Variants in RAPGEFL1 observed in about 807,000 individuals in gnomAD.
RAPGEFL1 encodes the protein Rap guanine nucleotide exchange factor like 1.
In RAPGEFL1, 31 loss-of-function variants were observed where a neutral mutation model predicts 64.4. The ratio of observed to expected loss-of-function variants is 0.48; its 90% confidence interval spans 0.36 to 0.65. RAPGEFL1 has a LOEUF of 0.65. RAPGEFL1 is among the 30% of genes least tolerant of loss of function. The pLI is 0.00. For missense variants in RAPGEFL1, 682 were observed against 677.4 expected (o/e 1.01, Z -0.08); for synonymous variants, 331 against 274.1 (o/e 1.21, Z -2.05).
At position 40,193,509 on chromosome 17, in the gene RAPGEFL1, C is replaced by T. The variant is rs943884602; in HGVS notation, c.1864+92C>T. The T allele has an allele frequency of 2.5e-5, 39 of 1,561,508 alleles. 1 individual carries two copies. In the East Asian group the frequency reaches 3.8e-4, roughly 15 times the overall value. The stretch of plus-strand genomic sequence containing the variant: ...AACTCCCTGTCCAGATGTGTATTTC[C>T]ATACACTTGCTGGTTCCCCATTCTC... On this transcript the variant is annotated intron_variant, in intron 14 of 14. Transcript: ENST00000620260.
rs1449272180 is a variant in RAPGEFL1, at chr17:40,191,482, A to G, written c.1502A>G (p.Lys501Arg). Reference protein sequence around the residue: ...KRAQLLKKFIKIAALCKQNQD... With the variant: ...KRAQLLKKFIRIAALCKQNQD... ...GCGCAGCTGCTCAAGAAGTTCATCA[A>G]GATCGCGGCCCTGTGAGTGCGGCCG... The change falls in exon 9 of 15, where the codon AAG becomes AGG. Residue 501 changes from lysine to arginine, a missense_variant. Transcript: ENST00000620260. This position sits in a 1 kb window ranked among gnomAD's most constrained non-coding sequence, Gnocchi z 5.1. 7.5e-6 allele frequency: 12 copies of G among 1,605,760 alleles called. No individual in the cohort carries two copies. The highest frequency in any genetic ancestry group is 8.5e-6 in the Non-Finnish European group (10 of 1,177,926).
At chr17:40,190,824 G>A (rs572833215) in intron 8 of RAPGEFL1, 62 bp downstream of exon 8, 1 of 1,595,884 alleles carries the variant, frequency 6.3e-7, no homozygotes. Flanking sequence ...ATTGGGAGAC[G>A]GTGTTCGCAG....
rs1430021519 is a variant in RAPGEFL1 at position 40,195,204 on chromosome 17, G to GT, written c.*1417dup. ...GAGCCTTGTATCATATGTGAACATT[G>GT]TATCATAGGTAATGTTGTACAGACC... On this transcript the variant is annotated 3_prime_UTR_variant, in exon 15 of 15. Coordinates refer to ENST00000620260, the MANE Select transcript of RAPGEFL1 (RefSeq NM_016339.6). 1 of 152,188 alleles carries GT rather than the reference G, an allele frequency of 6.6e-6. No homozygotes were observed. Among genetic ancestry groups the GT allele is most frequent in the East Asian group, 1.9e-4 (1 of 5,178 alleles). The allele number at this position is 152,188 out of a possible 1,614,324, so 9.4% of individuals were successfully genotyped here. A position where few individuals can be genotyped will look rare whatever the true frequency, so the allele number is the denominator to read the frequency against.
chr17:40,184,822 T>A, intron 4 of RAPGEFL1, 144 bp downstream of exon 4: 1 of 603,800 alleles, frequency 1.7e-6, no homozygotes, highest in Non-Finnish European at 2.9e-6. Context: ...CTTTGTCGCC[T>A]AGGCTGGAGA....
chr17:40,193,774 G>T lies in RAPGEFL1; in HGVS notation c.1975G>T (p.Ala659Ser). 1 of 1,614,068 alleles carries T rather than the reference G, an allele frequency of 6.2e-7. No individual in the cohort carries two copies. The highest frequency in any genetic ancestry group is 8.5e-7 in the Non-Finnish European group (1 of 1,180,018). The change falls in exon 15 of 15, where the codon GCA (alanine) becomes TCA (serine). Residue 659 changes from alanine (A) to serine (S), a missense_variant. Physicochemically the swap from Ala to Ser is moderately conservative, Grantham distance 99. Around this residue, in one of 2 missense-constraint regions of RAPGEFL1, gnomAD observed 411 missense variants for 519.4 expected, o/e 0.79. Transcript: ENST00000620260. ...LLFELSYKLE[A>S]NSQ ...CTTCGAGCTCTCCTACAAGCTGGAG[G>T]CAAACAGTCAGTGAGAGTGGAGGCT...
chr17:40,181,382 C>G lies in RAPGEFL1; in HGVS notation c.521-234C>G, dbSNP rs1195306726. The G allele has an allele frequency of 6.3e-6, 4 of 636,224 alleles. No homozygotes were observed. In the African/African-American group the frequency reaches 7.2e-5, roughly 11 times the overall value. The allele number at this position is 636,224 out of a possible 1,614,324, so 39.4% of individuals were successfully genotyped here. On this transcript the variant is annotated intron_variant, in intron 1 of 14. Transcript: ENST00000620260. The stretch of plus-strand genomic sequence containing the variant: ...GCACATGGCCATCAAAGGCACGCGC[C>G]CCCCCCTTCCCTTCAGCTGCCTTGG...
rs758965386 is a variant in RAPGEFL1 at position 40,185,968 on chromosome 17, G to GA, written c.833+1301dup. ...GACAGAGCGAGACTCCGTCTCTAAA[G>GA]AAAAAAAAAAAGGCCGGGTGCGGTG... On this transcript the variant is annotated intron_variant, in intron 4 of 14. Transcript: ENST00000620260. 5.5e-3 allele frequency among the ~76,000 whole-genome samples: 683 copies of GA among 123,330 alleles called. 2 individuals carry two copies. Among genetic ancestry groups the GA allele is most frequent in the Non-Finnish European group, 8.4e-3 (484 of 57,386 alleles). The allele number at this position is 123,330 out of a possible 152,430, so 80.9% of individuals were successfully genotyped here. A position where few individuals can be genotyped will look rare whatever the true frequency, so the allele number is the denominator to read the frequency against.
chr17:40,190,818 G>A lies in RAPGEFL1; in HGVS notation c.1335+56G>A, dbSNP rs1374664203. The A allele has an allele frequency of 1.9e-6, 3 of 1,602,094 alleles. No homozygotes were observed. The East Asian group carries it at 6.7e-5, about 36-fold the overall frequency. ...GGCTGGAGGGAGAAATGTGCCATTG[G>A]GAGACGGTGTTCGCAGCACAACGTC... is the stretch of plus-strand genomic sequence containing the variant. On this transcript the variant is annotated intron_variant, in intron 8 of 14. Coordinates refer to ENST00000620260, the MANE Select transcript of RAPGEFL1 (RefSeq NM_016339.6).
intron 1 of RAPGEFL1, among the ~76,000 whole-genome samples, chr17:40,179,169 C>T (rs570241663): frequency 1.3e-5 from 2 of 152,092 alleles, no homozygotes; most frequent in African/African-American, 2.4e-5. Context: ...CAGGTTCAAG[C>T]GATTCTCCTG....
At chr17:40,193,539 T>G in intron 14 of RAPGEFL1, 122 bp downstream of exon 14, 2 of 1,576,814 alleles carry the variant, frequency 1.3e-6, no homozygotes, top group East Asian at 2.2e-5. Context: ...ATTCTCTCCT[T>G]GCCTCTGCAG....
chr17:40,184,890 A>G (rs1004535430), intron 4 of RAPGEFL1, among the ~76,000 whole-genome samples: 1 of 152,014 alleles, frequency 6.6e-6, no homozygotes, highest in African/African-American at 2.4e-5. Flanking sequence ...AGTGATTCTC[A>G]TGCCTCAGCC....
At chr17:40,183,710 G>A (rs1411159213) in intron 2 of RAPGEFL1, among the ~76,000 whole-genome samples, 1 of 148,566 alleles carries the variant, frequency 6.7e-6, no homozygotes, top group Non-Finnish European at 1.5e-5. Flanking sequence ...TAGTAGAGAT[G>A]AGGTTTCACC....
chr17:40,189,037 T>C, intron 5 of RAPGEFL1, 59 bp downstream of exon 5: 1 of 1,532,850 alleles, frequency 6.5e-7, no homozygotes, highest in Non-Finnish European at 9.0e-7. Context: ...GACATATCTC[T>C]GGGTCTTGAG....
chr17:40,177,292 T>C (rs1038691385), upstream of RAPGEFL1: 34 of 702,446 alleles, frequency 4.8e-5, 2 homozygotes, highest in Admixed American at 3.2e-4. Flanking sequence ...TTGGTAAATC[T>C]CTGACTTACC....
At position 40,191,752 on chromosome 17, in the gene RAPGEFL1, C is replaced by G. The variant is rs1025949237; in HGVS notation, c.1605+80C>G. The stretch of plus-strand genomic sequence containing the variant: ...AAGTGCGTCCTCCCGGGACGGCCGC[C>G]GGCCTGGAGGGAGTCTTTGCGCCAG... On this transcript the variant is annotated intron_variant, in intron 10 of 14. Coordinates refer to ENST00000620260, the MANE Select transcript of RAPGEFL1 (RefSeq NM_016339.6). The surrounding 1 kb of genome is among the most constrained non-coding windows in gnomAD (Gnocchi z 5.1). 146 of 1,411,286 alleles carry G rather than the reference C, an allele frequency of 1.0e-4. No individual in the cohort carries two copies. The highest frequency in any genetic ancestry group is 1.4e-4 in the Non-Finnish European group (139 of 1,019,596). 87.4% of individuals were successfully genotyped at this position (1,411,286 alleles called of 1,614,324 possible). A position where few individuals can be genotyped will look rare whatever the true frequency, so the allele number is the denominator to read the frequency against.
chr17:40,184,184 C>T lies in RAPGEFL1; in HGVS notation c.600-30C>T, dbSNP rs373446286. 9.1e-5 allele frequency: 135 copies of T among 1,489,070 alleles called. No individual in the cohort carries two copies. The Middle Eastern group carries it at 1.4e-3, about 15-fold the overall frequency. The allele number at this position is 1,489,070 out of a possible 1,614,324, so 92.2% of individuals were successfully genotyped here. On this transcript the variant is annotated intron_variant, in intron 2 of 14. Coordinates refer to ENST00000620260, the MANE Select transcript of RAPGEFL1 (RefSeq NM_016339.6). The stretch of plus-strand genomic sequence containing the variant: ...CTTCTCAATTCCTCAGGTCTGCTTG[C>T]GTAGGGATTTTTCTTAACTTAAGGG...
In RAPGEFL1 at chr17:40,177,750, G is replaced by GC. The variant is rs1989756273; in HGVS notation, c.-109dup. 1 of 409,922 alleles carries GC rather than the reference G, an allele frequency of 2.4e-6. No homozygotes were observed. Among genetic ancestry groups the GC allele is most frequent in the Non-Finnish European group, 4.3e-6 (1 of 235,086 alleles). The allele number at this position is 409,922 out of a possible 1,614,324, so 25.4% of individuals were successfully genotyped here. A position where few individuals can be genotyped will look rare whatever the true frequency, so the allele number is the denominator to read the frequency against. On this transcript the variant is annotated 5_prime_UTR_variant, in exon 1 of 15. Transcript: ENST00000620260. ...GGCCCCCAGTCTGGCGCCTGGCACG[G>GC]CCCTCTACTCTGCTCCTCCAGCTCT... is the stretch of plus-strand genomic sequence containing the variant.
rs1990183927 is a variant in RAPGEFL1 at position 40,189,335 on chromosome 17, T to C, written c.1074T>C (p.Arg358=). ...AATATTCAGAGGAGCCCGCGGGGCG[T>C]GAGGATTCCCTCATCCTGGTAGCTG... is the stretch of plus-strand genomic sequence containing the variant. ...KLQYSEEPAG[R]EDSLILVAVS... Residue 358 remains arginine, a synonymous_variant, in exon 6 of 15, where the codon CGT becomes CGC. Transcript: ENST00000620260. The C allele has an allele frequency of 6.2e-7, 1 of 1,614,158 alleles. No individual in the cohort carries two copies.
At chr17:40,189,578 C>T (rs1167680824) in intron 6 of RAPGEFL1, among the ~76,000 whole-genome samples, 1 of 152,204 alleles carries the variant, frequency 6.6e-6, no homozygotes, top group East Asian at 1.9e-4. Context: ...GTCCCAGCTA[C>T]TCAGGAGGCT....
Sources: allele counts gnomAD v4.1 joint callset (sites outside exome capture counted in the v4.1 genomes callset), GRCh38; gene constraint gnomAD v4.1.1; regional missense constraint gnomAD v4.1.1; non-coding constraint Gnocchi (gnomAD v3.1); transcripts MANE v1.5; gene names NCBI Gene and HGNC (gene_info 2026-07-23, HGNC 2026-07-21).